Variants in NTRK3 observed in about 807,000 individuals in gnomAD.
NTRK3 encodes the protein NT-3 growth factor receptor.
NTRK3 carries 24 observed loss-of-function variants against 91.7 expected under a neutral mutation model. That is an observed-to-expected ratio of 0.26 (90% CI 0.19 to 0.37). The LOEUF (loss-of-function observed/expected upper bound fraction) is 0.37, where lower values mean the gene tolerates loss of function less well. NTRK3 is among the 10% of genes least tolerant of loss of function. The pLI is 1.00. For missense variants in NTRK3, 880 were observed against 1,068.9 expected (o/e 0.82, Z 2.46); for synonymous variants, 483 against 404.0 (o/e 1.20, Z -2.34).
At chr15:88,137,409 T>A in exon 7 of NTRK3, 1 of 1,613,704 alleles carries the variant, frequency 6.2e-7, no homozygotes, top group Non-Finnish European at 8.5e-7. Context: ...CTCACCACAC[T>A]GACTGATGTT....
intron 14 of NTRK3, among the ~76,000 whole-genome samples, chr15:87,987,576 TTTG>T (rs567443619): frequency 2.4e-3 from 364 of 151,986 alleles, no homozygotes; most frequent in Non-Finnish European, 4.2e-3. Flanking sequence ...TTTGTGGGAG[TTTG>T]TTATTTATTC....
At chr15:88,147,996 C>T (rs2151319708) in intron 5 of NTRK3, among the ~76,000 whole-genome samples, 1 of 152,258 alleles carries the variant, frequency 6.6e-6, no homozygotes, top group South Asian at 2.1e-4. Flanking sequence ...AGAAACACGC[C>T]CACGGTTATT....
intron 14 of NTRK3, among the ~76,000 whole-genome samples, chr15:88,014,227 T>C (rs2077074891): frequency 6.6e-6 from 1 of 152,202 alleles, no homozygotes; most frequent in Non-Finnish European, 1.5e-5. Flanking sequence ...AGACATTCCT[T>C]ATTAAATGGC....
intron 5 of NTRK3, among the ~76,000 whole-genome samples, chr15:88,160,365 G>A (rs2044333284): frequency 6.6e-6 from 1 of 152,206 alleles, no homozygotes; most frequent in South Asian, 2.1e-4. Flanking sequence ...GCTACAGGAT[G>A]AGCTAAGAAG....
chr15:87,867,695 C>T (rs1372916883), exon 19 of NTRK3: 6 of 228,128 alleles, frequency 2.6e-5, no homozygotes, highest in African/African-American at 6.7e-5. Context: ...TTTTGGTTCA[C>T]GTTCTAATTC....
chr15:87,887,157 C>T (rs1348238628), intron 17 of NTRK3, among the ~76,000 whole-genome samples: 2 of 152,028 alleles, frequency 1.3e-5, no homozygotes, highest in Non-Finnish European at 2.9e-5. Flanking sequence ...CTGTAATGCA[C>T]TTAAGTATTT....
chr15:88,088,521 T>A (rs1033395217), intron 13 of NTRK3, among the ~76,000 whole-genome samples: 2 of 152,188 alleles, frequency 1.3e-5, no homozygotes, highest in African/African-American at 4.8e-5. Context: ...GTAGTAATTG[T>A]AATAACATGT....
At chr15:87,971,942 C>T (rs1431400115) in intron 14 of NTRK3, among the ~76,000 whole-genome samples, 4 of 152,142 alleles carry the variant, frequency 2.6e-5, no homozygotes, top group African/African-American at 7.2e-5. Context: ...GATTTTTAAA[C>T]GACATTACGA....
At chr15:88,168,237 A>G (rs556802041) in intron 5 of NTRK3, among the ~76,000 whole-genome samples, 4 of 152,292 alleles carry the variant, frequency 2.6e-5, no homozygotes, top group African/African-American at 9.6e-5. Flanking sequence ...TGATATGTGA[A>G]AAGTCCAACA....
intron 13 of NTRK3, chr15:88,099,158 G>T (rs901746716): frequency 1.7e-5 from 4 of 230,936 alleles, no homozygotes; most frequent in African/African-American, 4.4e-5. Flanking sequence ...GGCTGTGAGA[G>T]GCTCCAGGGA....
At chr15:88,138,466 C>T (rs1262098097) in intron 6 of NTRK3, among the ~76,000 whole-genome samples, 1 of 152,170 alleles carries the variant, frequency 6.6e-6, no homozygotes, top group Non-Finnish European at 1.5e-5. Context: ...TCTTAAAACC[C>T]TCCAATGGCC....
exon 19 of NTRK3, chr15:87,865,694 A>G (rs989319150): frequency 1.6e-4 from 35 of 222,188 alleles, no homozygotes; most frequent in South Asian, 1.8e-4. Flanking sequence ...GAACCTTATG[A>G]AAGCAAGAGT....
At chr15:88,136,178 G>A in intron 8 of NTRK3, 138 bp from the exon 9 acceptor site, 2 of 1,132,952 alleles carry the variant, frequency 1.8e-6, no homozygotes, top group South Asian at 1.3e-5. Context: ...AAGCACACTG[G>A]CCAAATGCCA....
At position 88,193,500 on chromosome 15, in the gene NTRK3, G is replaced by A. The variant is rs1181110569; in HGVS notation, c.249-9201C>T. Among the ~76,000 whole-genome samples the A allele has an allele frequency of 2.6e-5, 4 of 152,238 alleles. No homozygotes were observed. In the East Asian group the frequency reaches 7.7e-4, roughly 29 times the overall value. On this transcript the variant is annotated intron_variant, in intron 3 of 18. Transcript: ENST00000394480. ...AAGCAGAAATGTCCTTGGCACCCAG[G>A]CACATCTTTTCCACCTTTCCTGTCC...
intron 14 of NTRK3, among the ~76,000 whole-genome samples, chr15:88,012,782 C>T (rs982630659): frequency 3.9e-5 from 6 of 152,230 alleles, no homozygotes; most frequent in African/African-American, 9.6e-5. Flanking sequence ...TTATACTGTG[C>T]TTCTCATACT....
intron 3 of NTRK3, among the ~76,000 whole-genome samples, chr15:88,205,372 A>G (rs1016177965): frequency 6.6e-6 from 1 of 152,062 alleles, no homozygotes; most frequent in African/African-American, 2.4e-5. Flanking sequence ...CTCCCATCTC[A>G]CCAGCCAGGC....
At chr15:88,081,415 C>T (rs1035495406) in intron 13 of NTRK3, among the ~76,000 whole-genome samples, 1 of 152,216 alleles carries the variant, frequency 6.6e-6, no homozygotes, top group African/African-American at 2.4e-5. Flanking sequence ...AGGCCACATT[C>T]CTCAATCCCA....
chr15:87,931,785 C>A (rs2068816332), intron 16 of NTRK3, among the ~76,000 whole-genome samples: 1 of 152,206 alleles, frequency 6.6e-6, no homozygotes, highest in African/African-American at 2.4e-5. Flanking sequence ...TAACTCATTT[C>A]TTTGCCCCTC....
intron 13 of NTRK3, among the ~76,000 whole-genome samples, chr15:88,065,412 T>A (rs2142560739): frequency 6.6e-6 from 1 of 152,256 alleles, no homozygotes; most frequent in Non-Finnish European, 1.5e-5. Context: ...ATGGTCCCTG[T>A]CCCCAAATCA....
Sources: allele counts gnomAD v4.1 joint callset (sites outside exome capture counted in the v4.1 genomes callset), GRCh38; gene constraint gnomAD v4.1.1; transcripts MANE v1.5; gene names NCBI Gene and HGNC (gene_info 2026-07-23, HGNC 2026-07-21).